SERINC2: variants seen among roughly 807,000 people sequenced by gnomAD.
SERINC2 encodes serine incorporator 2.
A neutral mutation model predicts 54.2 loss-of-function variants in SERINC2; 56 were observed. The observed-to-expected ratio is 1.03, with a 90% CI of 0.83 to 1.29. SERINC2 has a LOEUF of 1.29. Among genes scored for constraint, SERINC2 ranks in the 50% most tolerant of loss-of-function variants. The pLI is 0.00. For synonymous variants in SERINC2, 272 were observed against 253.1 expected, an observed-to-expected ratio of 1.07 and a Z score of -0.71; for missense variants, 614 against 607.4, an observed-to-expected ratio of 1.01 and a Z score of -0.12.
chr1:31,415,429 C>G (rs1441892639), intron 1 of SERINC2, among the ~76,000 whole-genome samples: 2 of 152,220 alleles, frequency 1.3e-5, no homozygotes, highest in East Asian at 3.8e-4. Flanking sequence ...CATTGGCTCT[C>G]CCCACCTCCT....
In SERINC2 at chr1:31,417,259, A is replaced by G. The variant is rs141367377; in HGVS notation, c.39+3955A>G. Among the ~76,000 whole-genome samples the G allele has an allele frequency of 3.3e-5, 5 of 152,266 alleles. No individual in the cohort carries two copies. The East Asian group carries it at 9.6e-4, about 29-fold the overall frequency. ...CCCCATGACCTGTCTTTTTGTGATC[A>G]AAGTGATATTTCTAAAATGCAAATC... is the stretch of plus-strand genomic sequence containing the variant. On this transcript the variant is annotated intron_variant, in intron 1 of 9. Coordinates refer to ENST00000373709, the MANE Select transcript of SERINC2 (RefSeq NM_178865.5).
rs1437231770 is a variant in SERINC2 at position 31,431,293 on chromosome 1, T to TA, written c.1014-1667dup. On this transcript the variant is annotated intron_variant, in intron 8 of 9. Transcript: ENST00000373709. ...GTGCATACCACCATGCCTGGCTACT[T>TA]AAAAAAACATTTTTTTTTTTTTTGT... Among the ~76,000 whole-genome samples the TA allele has an allele frequency of 1.7e-3, 201 of 119,040 alleles. 1 individual carries two copies. The highest frequency in any genetic ancestry group is 5.5e-3 in the African/African-American group (186 of 34,122). The allele number at this position is 119,040 out of a possible 152,430, so 78.1% of individuals were successfully genotyped here.
chr1:31,429,316 G>A (rs781963487), intron 7 of SERINC2, 81 bp from the exon 8 acceptor site: 61 of 1,506,896 alleles, frequency 4.0e-5, no homozygotes, highest in Non-Finnish European at 5.2e-5. Context: ...ATTAGGGGTG[G>A]CTCTCTAGCC....
In SERINC2 at chr1:31,434,246, T is replaced by C. The variant is rs1641407265; in HGVS notation, c.*47T>C. 2 of 1,588,516 alleles carry C rather than the reference T, an allele frequency of 1.3e-6. No individual in the cohort carries two copies. The highest frequency in any genetic ancestry group is 1.7e-6 in the Non-Finnish European group (2 of 1,168,350). On this transcript the variant is annotated 3_prime_UTR_variant, in exon 10 of 10. Coordinates refer to ENST00000373709, the MANE Select transcript of SERINC2 (RefSeq NM_178865.5). ...CTGGTGCCTCCTGCCACCTGGTGCC[T>C]CTCGGCTCAGTGACAGCCAACCTGC...
intron 1 of SERINC2, among the ~76,000 whole-genome samples, chr1:31,421,156 A>G (rs1169031711): frequency 1.3e-5 from 2 of 152,178 alleles, no homozygotes; most frequent in African/African-American, 4.8e-5. Flanking sequence ...TGCGAACCCT[A>G]TTGTGAACTG....
chr1:31,428,397 G>T (rs1641099907), intron 6 of SERINC2, among the ~76,000 whole-genome samples: 1 of 152,186 alleles, frequency 6.6e-6, no homozygotes, highest in Non-Finnish European at 1.5e-5. Flanking sequence ...GTGTGGTGAG[G>T]GGTGGGGAAG....
chr1:31,425,512 C>G, intron 4 of SERINC2, 103 bp downstream of exon 4: 1 of 982,186 alleles, frequency 1.0e-6, no homozygotes, highest in South Asian at 1.3e-5. Flanking sequence ...CACACAGACC[C>G]CTGGCTGCTG....
At position 31,425,837 on chromosome 1, in the gene SERINC2, C is replaced by T. The variant is rs1553133509; in HGVS notation, c.534C>T (p.Leu178=). ...TCATCCTCATCCAGCTGGTGCTGCT[C>T]ATCGACTTTGCGCACTCCTGGAACC... is the stretch of plus-strand genomic sequence containing the variant. The part of the protein sequence containing the change: ...FLFILIQLVL[L]IDFAHSWNQR... Residue 178 remains leucine, a synonymous_variant, in exon 5 of 10, where the codon CTC becomes CTT. Coordinates refer to ENST00000373709, the MANE Select transcript of SERINC2 (RefSeq NM_178865.5). 5.0e-6 allele frequency: 8 copies of T among 1,613,782 alleles called. No homozygotes were observed. The highest frequency in any genetic ancestry group is 2.2e-5 in the South Asian group (2 of 91,052).
At chr1:31,427,820 CTTTCTTT>C (rs1312255974) in intron 6 of SERINC2, among the ~76,000 whole-genome samples, 7 of 121,918 alleles carry the variant, frequency 5.7e-5, no homozygotes, top group African/African-American at 2.0e-4. Flanking sequence ...TTTTTTCTTT[CTTTCTTT>C]TTTTTTTTTT....
In SERINC2 at chr1:31,434,338, A is replaced by AGCCG; in HGVS notation, c.*141_*144dup. On this transcript the variant is annotated 3_prime_UTR_variant, in exon 10 of 10. Transcript: ENST00000373709. ...GCCCCAGCTCCAGGACCTGCCCCTG[A>AGCCG]GCCGGGCCTTCTAGTCGTAGTGCCT... 1 of 867,242 alleles carries AGCCG rather than the reference A, an allele frequency of 1.2e-6. No individual in the cohort carries two copies. Among genetic ancestry groups the AGCCG allele is most frequent in the East Asian group, 2.5e-5 (1 of 39,800 alleles). The allele number at this position is 867,242 out of a possible 1,614,324, so 53.7% of individuals were successfully genotyped here.
At position 31,413,409 on chromosome 1, in the gene SERINC2, C is replaced by A; in HGVS notation, c.39+105C>A. The stretch of plus-strand genomic sequence containing the variant: ...AGTAGTTTCTTCTTTTTCCTTCCTG[C>A]AAACTTGTCTTTCTGGGCCGGTGCC... On this transcript the variant is annotated intron_variant, in intron 1 of 9. Transcript: ENST00000373709. This position sits in a 1 kb window ranked among gnomAD's most constrained non-coding sequence, Gnocchi z 5.0. The A allele has an allele frequency of 1.6e-6, 1 of 619,420 alleles. No homozygotes were observed. Among genetic ancestry groups the A allele is most frequent in the Non-Finnish European group, 2.3e-6 (1 of 439,096 alleles). The allele number at this position is 619,420 out of a possible 1,614,324, so 38.4% of individuals were successfully genotyped here.
In SERINC2 at chr1:31,432,815, G is replaced by C. The variant is rs965103280; in HGVS notation, c.1014-152G>C. ...AAGGTCACACAGAAAATGGGAGTGGGGGTAGGGGTAGAGTTGAGAGGCAAA... is the reference window on the plus strand; with the variant it reads ...AAGGTCACACAGAAAATGGGAGTGGCGGTAGGGGTAGAGTTGAGAGGCAAA... On this transcript the variant is annotated intron_variant, in intron 8 of 9. Transcript: ENST00000373709. 47 of 616,444 alleles carry C rather than the reference G, an allele frequency of 7.6e-5. No individual in the cohort carries two copies. In the African/African-American group the frequency reaches 7.7e-4, roughly 10 times the overall value. The allele number at this position is 616,444 out of a possible 1,614,324, so 38.2% of individuals were successfully genotyped here.
Position 31,424,691 on chromosome 1 carries a change from G to A in SERINC2, c.210G>A (p.Trp70Ter). The part of the protein sequence containing the change: ...GVESQLYKLP[W>*]VCEEGAGIPT... ...TCTGTCTGTCTCCACAGCTGCCCTG[G>A]GTGTGTGAGGAGGGGGCCGGGATCC... The change falls in exon 3 of 10, where the codon TGG becomes TGA. Residue 70 changes from tryptophan to a stop codon, truncating the protein, a stop_gained. Transcript: ENST00000373709. LOFTEE classifies it high-confidence loss of function. 2 of 1,598,674 alleles carry A rather than the reference G, an allele frequency of 1.3e-6. No individual in the cohort carries two copies. The highest frequency in any genetic ancestry group is 1.7e-6 in the Non-Finnish European group (2 of 1,172,784).
At chr1:31,417,652 C>T (rs1167115912) in intron 1 of SERINC2, among the ~76,000 whole-genome samples, 1 of 152,130 alleles carries the variant, frequency 6.6e-6, no homozygotes, top group African/African-American at 2.4e-5. Context: ...ACTTTTTCAT[C>T]TTCCCAGACT....
chr1:31,432,065 A>T (rs797035779), intron 8 of SERINC2, among the ~76,000 whole-genome samples: 36 of 125,910 alleles, frequency 2.9e-4, no homozygotes, highest in Non-Finnish European at 3.6e-4. Context: ...GACAGGGTGG[A>T]CAGGGTGGAC....
At chr1:31,424,013 A>G (rs558637949) in intron 2 of SERINC2, among the ~76,000 whole-genome samples, 159 bp downstream of exon 2, 1 of 152,200 alleles carries the variant, frequency 6.6e-6, no homozygotes, top group South Asian at 2.1e-4. Flanking sequence ...GGAGGGCTTG[A>G]GCCTCTTGGG....
upstream of SERINC2, among the ~76,000 whole-genome samples, chr1:31,410,972 A>G (rs1640638482): frequency 6.6e-6 from 1 of 152,172 alleles, no homozygotes; most frequent in Non-Finnish European, 1.5e-5. Context: ...CGTGCAGAAG[A>G]TGACTGTGTA....
chr1:31,409,926 T>C (rs573428305), upstream of SERINC2: 2 of 1,359,904 alleles, frequency 1.5e-6, no homozygotes, highest in South Asian at 2.7e-5. Context: ...TGTTGCAGAT[T>C]TGAAAACTCA....
chr1:31,410,642 G>A (rs539266873), upstream of SERINC2, among the ~76,000 whole-genome samples: 19 of 152,362 alleles, frequency 1.2e-4, no homozygotes, highest in African/African-American at 3.6e-4. Context: ...CTTTGCAGAT[G>A]CTCACACATG....
Sources: gnomAD v4.1 joint callset for allele counts (sites outside exome capture counted in the v4.1 genomes callset) on GRCh38, gnomAD v4.1.1 for gene constraint, Gnocchi (gnomAD v3.1) non-coding constraint, MANE v1.5 for transcripts, NCBI Gene and HGNC (gene_info 2026-07-23, HGNC 2026-07-21) for gene names.